DICER1: variants seen among roughly 807,000 people sequenced by gnomAD.
The protein encoded by DICER1 is endoribonuclease Dicer.
In DICER1, 43 loss-of-function variants were observed where a neutral mutation model predicts 194.1. That is an observed-to-expected ratio of 0.22 (90% confidence interval 0.17 to 0.29). DICER1 has a LOEUF of 0.29. Among genes scored for constraint, DICER1 ranks in the 10% least tolerant of loss-of-function variants. DICER1 has a pLI of 1.00. For synonymous variants in DICER1, 832 were observed against 820.5 expected, an observed-to-expected ratio of 1.01 and a Z score of -0.24; for missense variants, 1,608 against 2,317.0, an observed-to-expected ratio of 0.69 and a Z score of 6.28.
chr14:95,143,885 C>T (rs893180394), intron 1 of DICER1, among the ~76,000 whole-genome samples: 1 of 152,000 alleles, frequency 6.6e-6, no homozygotes. Flanking sequence ...TAATAAAATT[C>T]CATTTCTTAG....
intron 1 of DICER1, among the ~76,000 whole-genome samples, chr14:95,156,191 G>A (rs573713961): frequency 5.5e-4 from 83 of 152,276 alleles, no homozygotes; most frequent in Middle Eastern, 3.4e-3. Context: ...CCTAACCTGA[G>A]TCCTTTTCCA....
At position 95,088,782 on chromosome 14, in the gene DICER1, A is replaced by C; in HGVS notation, c.*1716T>G. On this transcript the variant is annotated 3_prime_UTR_variant, in exon 27 of 27. Coordinates refer to ENST00000343455, the MANE Select transcript of DICER1 (RefSeq NM_177438.3). Reference sequence around the variant, plus strand: ...CAGTTTTCTGTCGGTGCACTCGCACAGAGGCATTTCTCTGTGGGTGGATGA... The same window carrying C: ...CAGTTTTCTGTCGGTGCACTCGCACCGAGGCATTTCTCTGTGGGTGGATGA... The C allele has an allele frequency of 4.3e-6, 1 of 233,312 alleles. No homozygotes were observed. The highest frequency in any genetic ancestry group is 6.1e-5 in the East Asian group (1 of 16,512). The allele number at this position is 233,312 out of a possible 1,614,324, so 14.5% of individuals were successfully genotyped here. A position where few individuals can be genotyped will look rare whatever the true frequency, so the allele number is the denominator to read the frequency against.
intron 1 of DICER1, among the ~76,000 whole-genome samples, chr14:95,155,664 G>A (rs1895806846): frequency 6.6e-6 from 1 of 152,208 alleles, no homozygotes; most frequent in South Asian, 2.1e-4. Flanking sequence ...TACTAAAAAG[G>A]ATTGTAGGAA....
chr14:95,132,436 A>C, intron 3 of DICER1, 79 bp downstream of exon 3: 1 of 1,463,850 alleles, frequency 6.8e-7, no homozygotes, highest in Non-Finnish European at 9.5e-7. Context: ...ATTTAACTTA[A>C]GAAACACAGA....
chr14:95,140,390 A>G (rs1257578308), intron 1 of DICER1, among the ~76,000 whole-genome samples: 3 of 152,174 alleles, frequency 2.0e-5, no homozygotes, highest in Non-Finnish European at 4.4e-5. Context: ...AACGGCCTAC[A>G]GTATTCAATA....
intron 12 of DICER1, 116 bp downstream of exon 12, chr14:95,112,976 A>G: frequency 8.8e-7 from 1 of 1,139,174 alleles, no homozygotes; most frequent in Non-Finnish European, 1.3e-6. Context: ...GCTCCTGCTC[A>G]TGAAAGTAGA....
In DICER1 at chr14:95,094,138, T is replaced by A. The variant is rs1890101135; in HGVS notation, c.5114A>T (p.Glu1705Val). 1 of 1,614,134 alleles carries A rather than the reference T, an allele frequency of 6.2e-7. No homozygotes were observed. The highest frequency in any genetic ancestry group is 8.5e-7 in the Non-Finnish European group (1 of 1,180,026). The change falls in exon 24 of 27, where the codon GAA becomes GTA. Residue 1705 changes from glutamate to valine, a missense_variant. By Grantham distance (121) the Glu-to-Val change is moderately radical. Transcript: ENST00000343455. ...GTCCAAAATCGCATCTCCCAGGAAT[T>A]CTAAGCGCTGGTAACAATCTGAGGG... ...NTITDCYQRL[E>V]FLGDAILDYL...
intron 14 of DICER1, among the ~76,000 whole-genome samples, chr14:95,109,854 G>A (rs1381463529): frequency 6.6e-6 from 1 of 152,218 alleles, no homozygotes; most frequent in African/African-American, 2.4e-5. Flanking sequence ...GGTGTGTACA[G>A]TACAGTATTT....
rs1394767633 is a variant in DICER1, at chr14:95,086,824, T to C, written c.*3674A>G. The C allele has an allele frequency of 4.3e-6, 1 of 232,388 alleles. No individual in the cohort carries two copies. Among genetic ancestry groups the C allele is most frequent in the East Asian group, 6.1e-5 (1 of 16,362 alleles). The allele number at this position is 232,388 out of a possible 1,614,324, so 14.4% of individuals were successfully genotyped here. ...GAAATTTATCTGGAAATAATTAAAT[T>C]CCTGAAAAGTAATCAGTGGTTGGAA... On this transcript the variant is annotated 3_prime_UTR_variant, in exon 27 of 27. Coordinates refer to ENST00000343455, the MANE Select transcript of DICER1 (RefSeq NM_177438.3).
intron 5 of DICER1, 33 bp downstream of exon 5, chr14:95,130,025 C>G: frequency 1.2e-6 from 2 of 1,604,958 alleles, no homozygotes; most frequent in Non-Finnish European, 1.7e-6. Flanking sequence ...AATAGTTTAC[C>G]AAGAATTACT....
chr14:95,111,577 C>T, intron 13 of DICER1, 121 bp from the exon 14 acceptor site: 6 of 1,101,318 alleles, frequency 5.4e-6, no homozygotes, highest in South Asian at 3.8e-5. Context: ...AGCACCTTTG[C>T]CTTTTACAAT....
rs1345663238 is a variant in DICER1 at position 95,100,525 on chromosome 14, TA to T, written c.4051-591del. On this transcript the variant is annotated intron_variant, in intron 21 of 26. Coordinates refer to ENST00000343455, the MANE Select transcript of DICER1 (RefSeq NM_177438.3). The stretch of plus-strand genomic sequence containing the variant: ...CATTTCAAGACACTTTTATTCAACT[TA>T]AAAAAAATGAACCAAAAGGTTTCTG... 8.5e-5 allele frequency among the ~76,000 whole-genome samples: 13 copies of T among 152,166 alleles called. No homozygotes were observed. In the East Asian group the frequency reaches 2.1e-3, roughly 25 times the overall value.
intron 8 of DICER1, 56 bp from the exon 9 acceptor site, chr14:95,117,810 T>C: frequency 3.8e-6 from 6 of 1,577,056 alleles, no homozygotes; most frequent in Non-Finnish European, 5.2e-6. Flanking sequence ...AATAAACTTT[T>C]GTTTTTAAAG....
chr14:95,100,402 C>G (rs1434261255), intron 21 of DICER1, among the ~76,000 whole-genome samples: 1 of 152,084 alleles, frequency 6.6e-6, no homozygotes, highest in Non-Finnish European at 1.5e-5. Context: ...AAACTGGCAC[C>G]GAACAAAACT....
intron 14 of DICER1, among the ~76,000 whole-genome samples, chr14:95,109,446 C>A (rs1181902850): frequency 6.6e-6 from 1 of 152,204 alleles, no homozygotes; most frequent in African/African-American, 2.4e-5. Context: ...GTTGACCAGG[C>A]TGGTCTCGGA....
chr14:95,115,958 C>T, intron 10 of DICER1, 137 bp from the exon 11 acceptor site: 2 of 838,884 alleles, frequency 2.4e-6, no homozygotes, highest in South Asian at 2.9e-5. Flanking sequence ...TCCAAAGTAA[C>T]CTGCTGCAGA....
At chr14:95,156,151 T>A (rs1038828518) in intron 1 of DICER1, among the ~76,000 whole-genome samples, 1 of 152,234 alleles carries the variant, frequency 6.6e-6, no homozygotes, top group African/African-American at 2.4e-5. Flanking sequence ...AACAGCACAT[T>A]TTTAACAATA....
rs115261005 is a variant in DICER1 at position 95,148,781 on chromosome 14, C to T, written c.-46+8449G>A. Among the ~76,000 whole-genome samples, 1,203 of 152,300 alleles carry T rather than the reference C, an allele frequency of 7.9e-3. 14 individuals carry two copies. The highest frequency in any genetic ancestry group is 0.028 in the African/African-American group (1,164 of 41,552). ...AAGATGACATTTCAACACATCAAAA[C>T]AGCACAGATACCCACCCCTCCCCTT... On this transcript the variant is annotated intron_variant, in intron 1 of 26. Coordinates refer to ENST00000343455, the MANE Select transcript of DICER1 (RefSeq NM_177438.3).
At chr14:95,135,898 T>A (rs1389896912) in intron 1 of DICER1, among the ~76,000 whole-genome samples, 1 of 152,218 alleles carries the variant, frequency 6.6e-6, no homozygotes, top group African/African-American at 2.4e-5. Context: ...ATAAAGGACA[T>A]TATTGAATTC....
Sources: allele counts gnomAD v4.1 joint callset (sites outside exome capture counted in the v4.1 genomes callset), GRCh38; gene constraint gnomAD v4.1.1; transcripts MANE v1.5; gene names NCBI Gene and HGNC (gene_info 2026-07-23, HGNC 2026-07-21).